CPNE2: variants seen among roughly 807,000 people sequenced by gnomAD.
CPNE2 encodes copine-2.
CPNE2 carries 42 observed loss-of-function variants against 69.7 expected under a neutral mutation model. The ratio of observed to expected loss-of-function variants is 0.60; its 90% CI spans 0.47 to 0.78. The LOEUF (loss-of-function observed/expected upper bound fraction) is 0.78, where lower values mean the gene tolerates loss of function less well. Ranked by LOEUF, CPNE2 falls within the 30% of genes least tolerant of loss-of-function variation. The probability of loss-of-function intolerance (pLI) is 0.00; values close to 1 mark genes in which losing one functional copy is unlikely to be tolerated. For synonymous variants in CPNE2, 294 were observed against 289.8 expected, an observed-to-expected ratio of 1.01 and a Z score of -0.15; for missense variants, 587 against 732.0, an observed-to-expected ratio of 0.80 and a Z score of 2.29.
Position 57,121,657 on chromosome 16 carries a change from T to C in CPNE2, c.781-17T>C, listed in dbSNP as rs2069763020. 1.2e-6 allele frequency: 2 copies of C among 1,613,486 alleles called. No homozygotes were observed. Among genetic ancestry groups the C allele is most frequent in the Non-Finnish European group, 1.7e-6 (2 of 1,179,630 alleles). On this transcript the variant is annotated splice_polypyrimidine_tract_variant and intron_variant, in intron 8 of 15. Coordinates refer to ENST00000290776, the MANE Select transcript of CPNE2 (RefSeq NM_152727.6). ...AGAAGCCCCGAGGTGAGTGTCTCTTTCTTTTGCGTTGCCCAGCTGGAGTTC... is the reference window on the plus strand; with the variant it reads ...AGAAGCCCCGAGGTGAGTGTCTCTTCCTTTTGCGTTGCCCAGCTGGAGTTC...
intron 14 of CPNE2, chr16:57,141,752 C>T (rs1227111301): frequency 6.6e-6 from 1 of 152,170 alleles, no homozygotes; most frequent in African/African-American, 2.4e-5. Flanking sequence ...GGAAACAGTC[C>T]CTGCCTTCTA....
intron 12 of CPNE2, among the ~76,000 whole-genome samples, chr16:57,132,159 G>C (rs1334856872): frequency 6.6e-6 from 1 of 152,214 alleles, no homozygotes; most frequent in African/African-American, 2.4e-5. Context: ...GAAGGAACCA[G>C]AAGGAGCACG....
chr16:57,131,716 G>A (rs2069839823), intron 12 of CPNE2, among the ~76,000 whole-genome samples: 1 of 152,208 alleles, frequency 6.6e-6, no homozygotes, highest in Non-Finnish European at 1.5e-5. Context: ...GGAGCCGCCA[G>A]GCCTGGCCCC....
chr16:57,113,523 A>G (rs1301653212), intron 3 of CPNE2, 56 bp downstream of exon 3: 3 of 1,554,500 alleles, frequency 1.9e-6, no homozygotes, highest in Non-Finnish European at 2.6e-6. Flanking sequence ...CAACCCCTCA[A>G]AAAGTCTCTT....
intron 14 of CPNE2, among the ~76,000 whole-genome samples, chr16:57,138,967 G>C (rs1483815389): frequency 6.6e-6 from 1 of 152,204 alleles, no homozygotes; most frequent in Non-Finnish European, 1.5e-5. Context: ...GGGAAAGATA[G>C]TGCAACTGCC....
At chr16:57,145,162 T>TA (rs1339768856) in intron 14 of CPNE2, among the ~76,000 whole-genome samples, 1 of 152,152 alleles carries the variant, frequency 6.6e-6, no homozygotes, top group Non-Finnish European at 1.5e-5. Flanking sequence ...TTGCCATAAA[T>TA]AGAGAGTAAC....
intron 12 of CPNE2, among the ~76,000 whole-genome samples, chr16:57,131,937 T>C (rs1001777518): frequency 6.6e-6 from 1 of 152,214 alleles, no homozygotes; most frequent in Non-Finnish European, 1.5e-5. Context: ...GGGGCCCTTC[T>C]TCCTGCCCAG....
Position 57,095,201 on chromosome 16 carries a change from C to G in CPNE2, c.-36+2411C>G, listed in dbSNP as rs554228349. On this transcript the variant is annotated intron_variant, in intron 1 of 15. Transcript: ENST00000290776. ...CACGGTGGTGTGGGCTCTGTGGGAG[C>G]TGGGATGCCAGGTCACCCTGTGATC... Among the ~76,000 whole-genome samples the G allele has an allele frequency of 2.6e-5, 4 of 152,296 alleles. No individual in the cohort carries two copies. The East Asian group carries it at 7.7e-4, about 29-fold the overall frequency.
rs2069552875 is a variant in CPNE2 at position 57,092,885 on chromosome 16, A to AC, written c.-36+98dup. On this transcript the variant is annotated intron_variant, in intron 1 of 15. Coordinates refer to ENST00000290776, the MANE Select transcript of CPNE2 (RefSeq NM_152727.6). The surrounding 1 kb of genome is among the most constrained non-coding windows in gnomAD (Gnocchi z 5.3). ...TTGATCCAGCTGCGGGTCCGAAGGA[A>AC]CCCGGGTTCCGCCTCGGGGGGCTGC... is the stretch of plus-strand genomic sequence containing the variant. 1 of 151,844 alleles carries AC rather than the reference A, an allele frequency of 6.6e-6. No homozygotes were observed. The highest frequency in any genetic ancestry group is 2.1e-4 in the South Asian group (1 of 4,818). 9.4% of individuals were successfully genotyped at this position (151,844 alleles called of 1,614,324 possible). A position where few individuals can be genotyped will look rare whatever the true frequency, so the allele number is the denominator to read the frequency against.
rs1567327351 is a variant in CPNE2, at chr16:57,137,069, A to G, written c.1169-80A>G. On this transcript the variant is annotated intron_variant, in intron 13 of 15. Coordinates refer to ENST00000290776, the MANE Select transcript of CPNE2 (RefSeq NM_152727.6). ...GGGACATTTTGGGTAAGCATGAAAT[A>G]GATGTTTCATCAGCAGTGAGATGAG... 4 of 1,559,856 alleles carry G rather than the reference A, an allele frequency of 2.6e-6. No individual in the cohort carries two copies. In the East Asian group the frequency reaches 9.1e-5, roughly 36 times the overall value.
chr16:57,139,646 A>C (rs1449735553), intron 14 of CPNE2, among the ~76,000 whole-genome samples: 4 of 152,248 alleles, frequency 2.6e-5, no homozygotes, highest in Admixed American at 2.6e-4. Flanking sequence ...AGATGGAGTC[A>C]GTTAGGTCTG....
chr16:57,099,782 T>A (rs1377361273), intron 1 of CPNE2, among the ~76,000 whole-genome samples: 1 of 149,358 alleles, frequency 6.7e-6, no homozygotes, highest in Non-Finnish European at 1.5e-5. Context: ...TTGATTTTTT[T>A]TTTTTTTTTT....
At position 57,147,566 on chromosome 16, in the gene CPNE2, T is replaced by G; in HGVS notation, c.1555T>G (p.Leu519Val). Residue 519 changes from leucine (L) to valine (V), a missense_variant, in exon 16 of 16, where the codon TTG becomes GTG. Transcript: ENST00000290776. ...CACCCTGCAGGCAGCAAAAGAGACCTTGGCCAAAGCTGTGCTGGCGGAGCT... is the reference window on the plus strand; with the variant it reads ...CACCCTGCAGGCAGCAAAAGAGACCGTGGCCAAAGCTGTGCTGGCGGAGCT... ...REFRNAAKET[L>V]AKAVLAELPQ... 1.2e-6 allele frequency: 2 copies of G among 1,603,874 alleles called. No homozygotes were observed. Among genetic ancestry groups the G allele is most frequent in the Non-Finnish European group, 1.7e-6 (2 of 1,173,000 alleles).
intron 14 of CPNE2, among the ~76,000 whole-genome samples, chr16:57,137,791 T>C (rs182716868): frequency 6.6e-6 from 1 of 152,292 alleles, no homozygotes; most frequent in East Asian, 1.9e-4. Flanking sequence ...ATCCCAGGCA[T>C]CTGCAACCGT....
intron 3 of CPNE2, 114 bp from the exon 4 acceptor site, chr16:57,115,362 G>A (rs1338892197): frequency 1.1e-5 from 9 of 799,642 alleles, no homozygotes; most frequent in Non-Finnish European, 1.9e-5. Context: ...TCACCAGCCA[G>A]CCAGGGCGGG....
At position 57,110,904 on chromosome 16, in the gene CPNE2, C is replaced by T. The variant is rs781645729; in HGVS notation, c.162C>T (p.Asn54=). 8 of 1,611,824 alleles carry T rather than the reference C, an allele frequency of 5.0e-6. No homozygotes were observed. The highest frequency in any genetic ancestry group is 1.7e-5 in the Admixed American group (1 of 59,870). ...CCTTCTGTGTCCTCTTTACAGAGAACAATGGCAGATGGATCGAGGTGAGGC... is the reference window on the plus strand; with the variant it reads ...CCTTCTGTGTCCTCTTTACAGAGAATAATGGCAGATGGATCGAGGTGAGGC... ...SDPFCVLFTE[N]NGRWIEYDRT... Residue 54 remains asparagine (N), a synonymous_variant, in exon 2 of 16, where the codon AAC becomes AAT. Coordinates refer to ENST00000290776, the MANE Select transcript of CPNE2 (RefSeq NM_152727.6).
intron 1 of CPNE2, among the ~76,000 whole-genome samples, chr16:57,100,351 C>T (rs2069605571): frequency 6.6e-6 from 1 of 152,242 alleles, no homozygotes; most frequent in South Asian, 2.1e-4. Context: ...AACAGCAGAG[C>T]TAGAGCCAAA....
At position 57,137,252 on chromosome 16, in the gene CPNE2, G is replaced by C. The variant is rs758860033; in HGVS notation, c.1272G>C (p.Ala424=). The C allele has an allele frequency of 1.2e-6, 2 of 1,614,074 alleles. No individual in the cohort carries two copies. Among genetic ancestry groups the C allele is most frequent in the Non-Finnish European group, 1.7e-6 (2 of 1,180,040 alleles). The change falls in exon 14 of 16, where the codon GCG becomes GCC. Residue 424 remains alanine (A), a synonymous_variant. Coordinates refer to ENST00000290776, the MANE Select transcript of CPNE2 (RefSeq NM_152727.6). ...SPIVNHVARF[A]AQATQQRTAT... is the part of the protein sequence containing the mutation. ...TCGTCAACCACGTGGCCCGGTTTGC[G>C]GCCCAGGCCACACAACAGCGGACGG...
At position 57,129,215 on chromosome 16, in the gene CPNE2, C is replaced by G. The variant is rs536530526; in HGVS notation, c.1116+1312C>G. ...GACAGATGTGGGCGTTAAAGGGCCA[C>G]GGGGACCCCTGCAGGGACCACATAG... On this transcript the variant is annotated intron_variant, in intron 12 of 15. Transcript: ENST00000290776. The G allele has an allele frequency of 1.0e-3, 157 of 152,518 alleles. 2 individuals are homozygous for G. The highest frequency in any genetic ancestry group is 1.9e-3 in the Non-Finnish European group (127 of 68,182). The allele number at this position is 152,518 out of a possible 1,614,324, so 9.4% of individuals were successfully genotyped here.
Sources: gnomAD v4.1 joint callset for allele counts (sites outside exome capture counted in the v4.1 genomes callset) on GRCh38, gnomAD v4.1.1 for gene constraint, Gnocchi (gnomAD v3.1) non-coding constraint, MANE v1.5 for transcripts, NCBI Gene and HGNC (gene_info 2026-07-23, HGNC 2026-07-21) for gene names.